PARD3B: variants seen among roughly 807,000 people sequenced by gnomAD.
The protein encoded by PARD3B is par-3 family cell polarity regulator beta, also known as partitioning defective 3 homolog B.
PARD3B carries 103 observed loss-of-function variants against 130.2 expected under a neutral mutation model. The observed-to-expected ratio is 0.79, with a 90% CI of 0.67 to 0.93. The LOEUF (loss-of-function observed/expected upper bound fraction) is 0.93. PARD3B is among the 40% of genes least tolerant of loss of function. PARD3B has a pLI of 0.00. For synonymous variants in PARD3B, 583 were observed against 553.2 expected, an observed-to-expected ratio of 1.05 and a Z score of -0.76; for missense variants, 1,609 against 1,499.2, an observed-to-expected ratio of 1.07 and a Z score of -1.21.
chr2:204,999,874 A>G (rs1037110581), intron 3 of PARD3B, among the ~76,000 whole-genome samples: 1 of 152,224 alleles, frequency 6.6e-6, no homozygotes, highest in African/African-American at 2.4e-5. Context: ...AGGACCAGAG[A>G]AACTTTAAAG....
intron 20 of PARD3B, among the ~76,000 whole-genome samples, chr2:205,488,052 C>CTAA (rs2049515945): frequency 6.6e-6 from 1 of 152,092 alleles, no homozygotes; most frequent in Non-Finnish European, 1.5e-5. Flanking sequence ...CAATATTTTG[C>CTAA]TAATTTTGTT....
At chr2:205,559,030 T>A (rs1160696761) in intron 22 of PARD3B, among the ~76,000 whole-genome samples, 1 of 152,200 alleles carries the variant, frequency 6.6e-6, no homozygotes, top group Non-Finnish European at 1.5e-5. Context: ...ATGTATACAG[T>A]AGAGTCTTAA....
intron 2 of PARD3B, among the ~76,000 whole-genome samples, chr2:204,705,096 G>C (rs372717285): frequency 1.2e-4 from 18 of 152,278 alleles, no homozygotes; most frequent in East Asian, 1.2e-3. Context: ...AGGAAGGGTA[G>C]AATTAATTGA....
intron 19 of PARD3B, among the ~76,000 whole-genome samples, chr2:205,423,147 A>G (rs1328928639): frequency 6.6e-6 from 1 of 152,142 alleles, no homozygotes; most frequent in African/African-American, 2.4e-5. Context: ...AGCAGACATC[A>G]TCTGGATTAG....
intron 19 of PARD3B, among the ~76,000 whole-genome samples, chr2:205,418,003 C>A (rs1016393192): frequency 6.6e-6 from 1 of 152,158 alleles, no homozygotes; most frequent in African/African-American, 2.4e-5. Context: ...TTTTTTTCTT[C>A]TTTCCTCATT....
Position 205,615,837 on chromosome 2 carries a change from G to A in PARD3B, c.*24G>A, listed in dbSNP as rs760141605. ...AGCTGAGTGCCACCGAGGCCAGCCC[G>A]GTCCAGAAAGGAAGGTGTCTACTCT... On this transcript the variant is annotated 3_prime_UTR_variant, in exon 23 of 23. Transcript: ENST00000406610. The A allele has an allele frequency of 2.0e-5, 31 of 1,569,456 alleles. No homozygotes were observed. The highest frequency in any genetic ancestry group is 4.5e-5 in the East Asian group (2 of 44,522).
At chr2:204,701,292 T>C (rs1381105166) in intron 2 of PARD3B, among the ~76,000 whole-genome samples, 1 of 152,186 alleles carries the variant, frequency 6.6e-6, no homozygotes, top group Non-Finnish European at 1.5e-5. Flanking sequence ...GTTTTCAGTG[T>C]AAAAATCCTG....
In PARD3B at chr2:204,741,367, A is replaced by G. The variant is rs115903431; in HGVS notation, c.222+55085A>G. On this transcript the variant is annotated intron_variant, in intron 2 of 22. Coordinates refer to ENST00000406610, the MANE Select transcript of PARD3B (RefSeq NM_001302769.2). ...GCTGCTGAGTTCTTTGTTTTTTTCT[A>G]TGATAGGCCTGAGGAAATTAGGACT... Among the ~76,000 whole-genome samples, 1,359 of 152,190 alleles carry G rather than the reference A, an allele frequency of 8.9e-3. 20 individuals are homozygous for G. The highest frequency in any genetic ancestry group is 0.03 in the African/African-American group (1,248 of 41,514).
At chr2:205,051,301 A>G (rs1336514699) in intron 4 of PARD3B, among the ~76,000 whole-genome samples, 1 of 152,174 alleles carries the variant, frequency 6.6e-6, no homozygotes, top group Non-Finnish European at 1.5e-5. Context: ...CCATGTGTCA[A>G]CTAATATGAA....
At chr2:205,006,247 C>A (rs1695257722) in intron 3 of PARD3B, among the ~76,000 whole-genome samples, 1 of 152,160 alleles carries the variant, frequency 6.6e-6, no homozygotes, top group South Asian at 2.1e-4. Context: ...CGTATCTTTG[C>A]AGTTGCAAAT....
chr2:204,805,808 A>C (rs2042746397), intron 2 of PARD3B, among the ~76,000 whole-genome samples: 1 of 152,162 alleles, frequency 6.6e-6, no homozygotes, highest in African/African-American at 2.4e-5. Context: ...ATGAAGGACA[A>C]GCCATGTGGT....
At chr2:205,213,473 T>C (rs1370207813) in intron 15 of PARD3B, among the ~76,000 whole-genome samples, 1 of 152,034 alleles carries the variant, frequency 6.6e-6, no homozygotes, top group African/African-American at 2.4e-5. Context: ...GATGAATGAG[T>C]GAATGAATAG....
chr2:205,292,433 C>T lies in PARD3B; in HGVS notation c.2186-8097C>T, dbSNP rs2105877491. 6.6e-6 allele frequency among the ~76,000 whole-genome samples: 1 copy of T among 152,192 alleles called. No individual in the cohort carries two copies. Among genetic ancestry groups the T allele is most frequent in the South Asian group, 2.1e-4 (1 of 4,810 alleles). ...CGAGAAAATTCCATTGTTGATAAGC[C>T]ACCCAGTCTATGGTATTTTTGTTAT... On this transcript the variant is annotated intron_variant, in intron 16 of 22. Coordinates refer to ENST00000406610, the MANE Select transcript of PARD3B (RefSeq NM_001302769.2). The surrounding 1 kb of genome is among the most constrained non-coding windows in gnomAD (Gnocchi z 5.3).
rs9653328 is a variant in PARD3B at position 204,767,003 on chromosome 2, T to A, written c.222+80721T>A. ...TTTCACATTTTTTATTTTATTTTTTTATTTTTTTATTATACTCTAAGTTTT... is the reference window on the plus strand; with the variant it reads ...TTTCACATTTTTTATTTTATTTTTTAATTTTTTTATTATACTCTAAGTTTT... On this transcript the variant is annotated intron_variant, in intron 2 of 22. Coordinates refer to ENST00000406610, the MANE Select transcript of PARD3B (RefSeq NM_001302769.2). 3.2e-3 allele frequency among the ~76,000 whole-genome samples: 473 copies of A among 145,756 alleles called. 3 individuals are homozygous for A. Among genetic ancestry groups the A allele is most frequent in the African/African-American group, 0.011 (435 of 40,176 alleles).
intron 2 of PARD3B, among the ~76,000 whole-genome samples, chr2:204,933,127 A>T (rs925875119): frequency 6.6e-6 from 1 of 152,120 alleles, no homozygotes; most frequent in Non-Finnish European, 1.5e-5. Flanking sequence ...AAATAGTTTA[A>T]ATGAGTAACT....
intron 15 of PARD3B, among the ~76,000 whole-genome samples, chr2:205,217,860 GTGTGTGTGTATATATATATA>G (rs1559552919): frequency 4.6e-5 from 4 of 86,564 alleles, no homozygotes; most frequent in African/African-American, 2.2e-4. Context: ...GTGTGTGTGT[GTGTGTGTGTATATATATATA>G]TATATATATA....
At chr2:204,778,145 T>TAAA (rs1241129299) in intron 2 of PARD3B, among the ~76,000 whole-genome samples, 1 of 113,002 alleles carries the variant, frequency 8.8e-6, no homozygotes, top group African/African-American at 4.3e-5. Flanking sequence ...ACACCCTCTA[T>TAAA]CAAAAAAAAA....
rs765798934 is a variant in PARD3B, at chr2:205,615,856, C to G, written c.*43C>G. 1.3e-6 allele frequency: 2 copies of G among 1,498,884 alleles called. No homozygotes were observed. The highest frequency in any genetic ancestry group is 1.8e-6 in the Non-Finnish European group (2 of 1,098,744). The allele number at this position is 1,498,884 out of a possible 1,614,324, so 92.8% of individuals were successfully genotyped here. ...CAGCCCGGTCCAGAAAGGAAGGTGT[C>G]TACTCTACCTTTGCCCTTTCTAAAC... On this transcript the variant is annotated 3_prime_UTR_variant, in exon 23 of 23. Transcript: ENST00000406610.
intron 21 of PARD3B, among the ~76,000 whole-genome samples, chr2:205,544,083 G>C (rs551842053): frequency 1.3e-5 from 2 of 152,202 alleles, no homozygotes; most frequent in Non-Finnish European, 2.9e-5. Context: ...ACAGCAAGGA[G>C]TAAATGACTC....
Sources: allele counts gnomAD v4.1 joint callset (sites outside exome capture counted in the v4.1 genomes callset), GRCh38; gene constraint gnomAD v4.1.1; non-coding constraint Gnocchi (gnomAD v3.1); transcripts MANE v1.5; gene names NCBI Gene and HGNC (gene_info 2026-07-23, HGNC 2026-07-21).